The following ALG5 variants were observed in gnomAD, a reference collection of about 807,000 sequenced individuals.
The protein encoded by ALG5 is ALG5 dolichyl-phosphate beta-glucosyltransferase, also known as dolichyl-phosphate beta-glucosyltransferase.
Under a neutral mutation model 51.8 loss-of-function variants are expected in ALG5, and 26 were observed. The ratio of observed to expected loss-of-function variants is 0.50; its 90% CI spans 0.37 to 0.70. ALG5 has a LOEUF of 0.70. Among genes scored for constraint, ALG5 ranks in the 30% least tolerant of loss-of-function variants. ALG5 has a pLI of 0.00. For synonymous variants in ALG5, 141 were observed against 136.1 expected, an observed-to-expected ratio of 1.04 and a Z score of -0.25; for missense variants, 311 against 399.3, an observed-to-expected ratio of 0.78 and a Z score of 1.88.
At position 36,985,680 on chromosome 13, in the gene ALG5, ACTT is replaced by A. The variant is rs2058998979; in HGVS notation, c.505_507del (p.Lys169del). The A allele has an allele frequency of 6.2e-7, 1 of 1,613,692 alleles. No homozygotes were observed. The highest frequency in any genetic ancestry group is 8.5e-7 in the Non-Finnish European group (1 of 1,179,916). On this transcript the variant is annotated inframe_deletion, in exon 6 of 10. Coordinates refer to ENST00000239891, the MANE Select transcript of ALG5 (RefSeq NM_013338.5). ...TTTTCTAATTTCTCAACATCTGGAA[ACTT>A]TGTGGCTCCATCAGCATCTGCCATA...
At chr13:36,962,004 T>C (rs1451722027) in intron 8 of ALG5, among the ~76,000 whole-genome samples, 1 of 152,158 alleles carries the variant, frequency 6.6e-6, no homozygotes, top group East Asian at 1.9e-4. Flanking sequence ...GCCAGGCTGG[T>C]CTTGAACTCC....
At chr13:36,971,895 C>A in intron 7 of ALG5, 82 bp downstream of exon 7, 2 of 1,061,656 alleles carry the variant, frequency 1.9e-6, no homozygotes, top group Non-Finnish European at 1.4e-6. Context: ...ACATAAAAGC[C>A]AGTTTCTTGC....
chr13:36,995,739 G>GC, intron 1 of ALG5, 143 bp from the exon 2 acceptor site: 1 of 761,924 alleles, frequency 1.3e-6, no homozygotes, highest in Non-Finnish European at 2.1e-6. Flanking sequence ...TGGTCTAGAG[G>GC]TGACTCCAAA....
At chr13:36,984,608 CTTTT>C (rs1167381320) in intron 6 of ALG5, among the ~76,000 whole-genome samples, 13 of 152,032 alleles carry the variant, frequency 8.6e-5, no homozygotes, top group Non-Finnish European at 1.8e-4. Flanking sequence ...CCATTTCTTT[CTTTT>C]ATTTTGTCAT....
chr13:36,953,936 C>T (rs1450690585), intron 8 of ALG5, among the ~76,000 whole-genome samples: 3 of 152,014 alleles, frequency 2.0e-5, no homozygotes, highest in African/African-American at 4.8e-5. Flanking sequence ...TCTAATGATA[C>T]TTGATAACCT....
At chr13:36,980,502 C>T (rs1255339763) in intron 6 of ALG5, among the ~76,000 whole-genome samples, 4 of 152,092 alleles carry the variant, frequency 2.6e-5, no homozygotes, top group Non-Finnish European at 5.9e-5. Context: ...GCTGGGATTA[C>T]AGATGTGAGC....
chr13:36,955,025 G>A (rs905026430), intron 8 of ALG5, among the ~76,000 whole-genome samples: 2 of 152,220 alleles, frequency 1.3e-5, no homozygotes, highest in Admixed American at 1.3e-4. Flanking sequence ...GGCATTGAAG[G>A]CCTCAACTGA....
At position 36,993,664 on chromosome 13, in the gene ALG5, A is replaced by T. The variant is rs543832880; in HGVS notation, c.294T>A (p.Asp98Glu). The change falls in exon 4 of 10, where the codon GAT (aspartate) becomes GAA (glutamate). Residue 98 changes from aspartate (D) to glutamate (E), a missense_variant. Coordinates refer to ENST00000239891, the MANE Select transcript of ALG5 (RefSeq NM_013338.5). The part of the protein sequence containing the change: ...LSYLEKRQKR[D>E]PAFTYEVIVV... The stretch of plus-strand genomic sequence containing the variant: ...CTATCACTTCATAAGTGAACGCAGG[A>T]TCTCGTTTCTGCAAGAAACAAAAAT... 3 of 1,613,272 alleles carry T rather than the reference A, an allele frequency of 1.9e-6. No homozygotes were observed. The highest frequency in any genetic ancestry group is 2.5e-6 in the Non-Finnish European group (3 of 1,179,846).
chr13:36,987,436 AGC>A (rs2059006928), intron 5 of ALG5, among the ~76,000 whole-genome samples: 1 of 152,200 alleles, frequency 6.6e-6, no homozygotes, highest in Non-Finnish European at 1.5e-5. Flanking sequence ...CCTCATGAAC[AGC>A]TTGGTGCTGT....
intron 4 of ALG5, among the ~76,000 whole-genome samples, chr13:36,992,219 GTAT>G (rs2059028641): frequency 6.7e-6 from 1 of 150,232 alleles, no homozygotes; most frequent in African/African-American, 2.5e-5. Context: ...CATATTTCCA[GTAT>G]TATTAATAGA....
At position 36,995,528 on chromosome 13, in the gene ALG5, G is replaced by A. The variant is rs1457030585; in HGVS notation, c.135C>T (p.Phe45=). 6.2e-7 allele frequency: 1 copy of A among 1,603,452 alleles called. No individual in the cohort carries two copies. The highest frequency in any genetic ancestry group is 8.5e-7 in the Non-Finnish European group (1 of 1,177,724). ...PALHRHEEEK[F]FLNAKGQKET... is the part of the protein sequence containing the mutation. ...CTTTCTGGCCTTTGGCATTTAAGAA[G>A]AATTTCTCTTCTTCATGTCGATGGA... Residue 45 remains phenylalanine, a synonymous_variant, in exon 2 of 10, where the codon TTC becomes TTT. Coordinates refer to ENST00000239891, the MANE Select transcript of ALG5 (RefSeq NM_013338.5).
At chr13:36,959,652 G>A (rs1319629731) in intron 8 of ALG5, among the ~76,000 whole-genome samples, 1 of 152,086 alleles carries the variant, frequency 6.6e-6, no homozygotes, top group Non-Finnish European at 1.5e-5. Context: ...GAAGTATGGA[G>A]TGCCAAAGAC....
chr13:36,989,901 C>A (rs2059018336), intron 4 of ALG5, among the ~76,000 whole-genome samples: 1 of 152,164 alleles, frequency 6.6e-6, no homozygotes, highest in Non-Finnish European at 1.5e-5. Flanking sequence ...AAAAACCCCA[C>A]AAAAGCCATG....
intron 6 of ALG5, among the ~76,000 whole-genome samples, chr13:36,978,466 C>T (rs1214362418): frequency 2.0e-5 from 3 of 151,778 alleles, no homozygotes; most frequent in Non-Finnish European, 4.4e-5. Context: ...GGATTACAGG[C>T]GTGAGCCACT....
chr13:36,990,196 C>T (rs933904783), intron 4 of ALG5, among the ~76,000 whole-genome samples: 1 of 152,234 alleles, frequency 6.6e-6, no homozygotes, highest in African/African-American at 2.4e-5. Context: ...ACGGCCATTA[C>T]TCTGCTTTAT....
intron 8 of ALG5, among the ~76,000 whole-genome samples, chr13:36,957,397 C>A (rs918514355): frequency 3.3e-5 from 5 of 152,144 alleles, no homozygotes; most frequent in African/African-American, 1.2e-4. Flanking sequence ...AATAAAGGCA[C>A]TAATTCATGA....
At position 36,994,997 on chromosome 13, in the gene ALG5, T is replaced by C. The variant is rs781051274; in HGVS notation, c.277A>G (p.Lys93Glu). 60 of 1,612,848 alleles carry C rather than the reference T, an allele frequency of 3.7e-5. No individual in the cohort carries two copies. The Middle Eastern group carries it at 1.5e-3, about 40-fold the overall frequency. ...MMDEALSYLEKRQKRDPAFTY... is the reference protein window; with the variant it reads ...MMDEALSYLEERQKRDPAFTY... The stretch of plus-strand genomic sequence containing the variant: ...AAGAGAAAACATGATACCTGTCTCT[T>C]CTCTAGATAGCTCAGAGCTTCATCC... Residue 93 changes from lysine (K) to glutamate (E), a missense_variant, in exon 3 of 10, where the codon AAG becomes GAG. By Grantham distance (56) the Lys-to-Glu change is moderately conservative (BLOSUM62 1). Transcript: ENST00000239891.
chr13:36,954,744 T>G (rs1302935319), intron 8 of ALG5, among the ~76,000 whole-genome samples: 1 of 152,180 alleles, frequency 6.6e-6, no homozygotes, highest in Non-Finnish European at 1.5e-5. Flanking sequence ...TGTGTTTTCT[T>G]TTCTTACTCA....
At chr13:36,965,378 C>A (rs1030786243) in intron 8 of ALG5, among the ~76,000 whole-genome samples, 197 bp downstream of exon 8, 17 of 152,100 alleles carry the variant, frequency 1.1e-4, no homozygotes, top group Middle Eastern at 3.4e-3. Context: ...TAACTTTATA[C>A]CATATTGTTG....
Sources: allele counts gnomAD v4.1 joint callset (sites outside exome capture counted in the v4.1 genomes callset), GRCh38; gene constraint gnomAD v4.1.1; transcripts MANE v1.5; gene names NCBI Gene and HGNC (gene_info 2026-07-23, HGNC 2026-07-21).